The following GTPBP1 variants were observed in gnomAD, a reference collection of about 807,000 sequenced individuals.
GTPBP1 encodes GTP binding protein 1.
A neutral mutation model predicts 62.0 loss-of-function variants in GTPBP1; 23 were observed. That is an observed-to-expected ratio of 0.37 (90% CI 0.27 to 0.53). The LOEUF is 0.53. Ranked by LOEUF, GTPBP1 falls within the 20% of genes least tolerant of loss-of-function variation. GTPBP1 has a pLI of 0.89. For missense variants in GTPBP1, 640 were observed against 917.3 expected, an observed-to-expected ratio of 0.70 and a Z score of 3.90; for synonymous variants, 344 against 364.4, an observed-to-expected ratio of 0.94 and a Z score of 0.64.
downstream of GTPBP1, among the ~76,000 whole-genome samples, chr22:38,741,222 G>A (rs567489841): frequency 3.4e-4 from 51 of 151,814 alleles, no homozygotes; most frequent in Admixed American, 1.5e-3. Context: ...CATGAGTCTC[G>A]TCCATGTCTG....
chr22:38,739,770 G>A, downstream of GTPBP1: 3 of 1,613,672 alleles, frequency 1.9e-6, no homozygotes, highest in South Asian at 3.3e-5. The surrounding 1 kb of genome is among the most constrained non-coding windows in gnomAD (Gnocchi z 6.7). Context: ...TCAGGCTCAG[G>A]GAGGCCGCGG....
In GTPBP1 at chr22:38,726,039, A is replaced by C. The variant is rs1253811842; in HGVS notation, c.1107A>C (p.Thr369=). Reference sequence around the variant, plus strand: ...CGATATTCCAGATCTCCAACGTTACAGGCGAGAACCTAGATCTGCTGAAGA... The same window carrying C: ...CGATATTCCAGATCTCCAACGTTACCGGCGAGAACCTAGATCTGCTGAAGA... ...MCPIFQISNV[T]GENLDLLKMF... is the part of the protein sequence containing the mutation. Residue 369 remains threonine, a synonymous_variant, in exon 7 of 12, where the codon ACA becomes ACC. Coordinates refer to ENST00000216044, the MANE Select transcript of GTPBP1 (RefSeq NM_004286.5). The surrounding 1 kb of genome is among the most constrained non-coding windows in gnomAD (Gnocchi z 4.1). 6.2e-7 allele frequency: 1 copy of C among 1,613,990 alleles called. No individual in the cohort carries two copies. Among genetic ancestry groups the C allele is most frequent in the Non-Finnish European group, 8.5e-7 (1 of 1,179,916 alleles).
chr22:38,715,097 G>T (rs188112799), intron 2 of GTPBP1, among the ~76,000 whole-genome samples: 1 of 152,112 alleles, frequency 6.6e-6, no homozygotes, highest in East Asian at 1.9e-4. Context: ...ATTATCTCTT[G>T]CCTGCATTAT....
chr22:38,727,296 G>C lies in GTPBP1; in HGVS notation c.1485G>C (p.Glu495Asp), dbSNP rs2092731799. ...AAGCCTCCTGGGAGTTTGAGGCCGA[G>C]ATTCTCGTCCTCCACCACCCCACCA... ...NPQASWEFEA[E>D]ILVLHHPTTI... Residue 495 changes from glutamate (E) to aspartate (D), a missense_variant, in exon 9 of 12, where the codon GAG (glutamate) becomes GAC (aspartate). Transcript: ENST00000216044. This position sits in a 1 kb window ranked among gnomAD's most constrained non-coding sequence, Gnocchi z 6.5. 6.2e-7 allele frequency: 1 copy of C among 1,601,036 alleles called. No individual in the cohort carries two copies.
Position 38,730,500 on chromosome 22 carries a change from C to T in GTPBP1, c.1918-112C>T, listed in dbSNP as rs571443535. 29 of 747,212 alleles carry T rather than the reference C, an allele frequency of 3.9e-5. 1 individual carries two copies. Among genetic ancestry groups the T allele is most frequent in the African/African-American group, 1.4e-4 (8 of 58,900 alleles). The allele number at this position is 747,212 out of a possible 1,614,324, so 46.3% of individuals were successfully genotyped here. On this transcript the variant is annotated intron_variant, in intron 11 of 11. Coordinates refer to ENST00000216044, the MANE Select transcript of GTPBP1 (RefSeq NM_004286.5). This position sits in a 1 kb window ranked among gnomAD's most constrained non-coding sequence, Gnocchi z 5.6. ...CCTGGTCAGGCTAGGGTGAGGACCA[C>T]GCAGCCTGCTCACGCATCTTCCGTC...
chr22:38,736,102 C>G, downstream of GTPBP1: 1 of 716,374 alleles, frequency 1.4e-6, no homozygotes, highest in Non-Finnish European at 2.5e-6. Context: ...CGCCTCGAGC[C>G]ACCTGCTGCT....
downstream of GTPBP1, chr22:38,738,257 G>C: frequency 6.2e-7 from 1 of 1,613,678 alleles, no homozygotes; most frequent in Non-Finnish European, 8.5e-7. This position sits in a 1 kb window ranked among gnomAD's most constrained non-coding sequence, Gnocchi z 6.6. Flanking sequence ...GCAGGTCTTC[G>C]TCAAACCCCT....
chr22:38,737,078 C>T (rs949678836), downstream of GTPBP1, among the ~76,000 whole-genome samples: 2 of 152,202 alleles, frequency 1.3e-5, no homozygotes, highest in African/African-American at 4.8e-5. This position sits in a 1 kb window ranked among gnomAD's most constrained non-coding sequence, Gnocchi z 4.1. Context: ...AACTCCTGGG[C>T]TCAAGCAATC....
chr22:38,719,286 C>T lies in GTPBP1; in HGVS notation c.834+2286C>T, dbSNP rs552072034. On this transcript the variant is annotated intron_variant, in intron 4 of 11. Coordinates refer to ENST00000216044, the MANE Select transcript of GTPBP1 (RefSeq NM_004286.5). ...CCTCCCAAAGTGCTGAGATTATAGG[C>T]GTGAGCCACCGTACCCAGCCTGATT... Among the ~76,000 whole-genome samples the T allele has an allele frequency of 8.5e-5, 13 of 152,150 alleles. 1 individual carries two copies. The South Asian group carries it at 2.5e-3, about 29-fold the overall frequency.
At chr22:38,734,278 T>G, downstream of GTPBP1, 1 of 466,126 alleles carries the variant, frequency 2.1e-6, no homozygotes, top group Non-Finnish European at 4.4e-6. Flanking sequence ...GTTTTTCTCC[T>G]AAGCTGCTGG....
At chr22:38,708,283 TA>T (rs2092617927) in intron 1 of GTPBP1, among the ~76,000 whole-genome samples, 1 of 152,256 alleles carries the variant, frequency 6.6e-6, no homozygotes, top group Non-Finnish European at 1.5e-5. Flanking sequence ...ATGACGGTGC[TA>T]ATACTCCTCG....
chr22:38,709,349 T>C (rs2092625129), intron 2 of GTPBP1, among the ~76,000 whole-genome samples: 1 of 152,188 alleles, frequency 6.6e-6, no homozygotes, highest in Non-Finnish European at 1.5e-5. Context: ...ACTTTTCTGC[T>C]TATGTGTCTC....
downstream of GTPBP1, among the ~76,000 whole-genome samples, chr22:38,741,262 C>T (rs141836055): frequency 6.6e-6 from 1 of 152,294 alleles, no homozygotes; most frequent in Non-Finnish European, 1.5e-5. Context: ...CACCCACACT[C>T]AGCACATGCA....
intron 1 of GTPBP1, among the ~76,000 whole-genome samples, chr22:38,708,079 T>C (rs1443061949): frequency 6.6e-6 from 1 of 152,260 alleles, no homozygotes; most frequent in Non-Finnish European, 1.5e-5. Flanking sequence ...CATGTTATTA[T>C]ATTTGCTCTT....
Position 38,728,124 on chromosome 22 carries a change from G to A in GTPBP1, c.1679G>A (p.Arg560Gln). 1.2e-6 allele frequency: 2 copies of A among 1,613,826 alleles called. No homozygotes were observed. The highest frequency in any genetic ancestry group is 1.7e-6 in the Non-Finnish European group (2 of 1,179,796). ...YLHIDQRLVF[R>Q]EGRTKAVGTI... ...CACATAGACCAGCGGCTGGTGTTCC[G>A]GGAAGGCCGCACCAAGGCTGTCGGC... Residue 560 changes from arginine to glutamine, a missense_variant, in exon 10 of 12, where the codon CGG becomes CAG. Transcript: ENST00000216044.
In GTPBP1 at chr22:38,727,198, C is replaced by T. The variant is rs1250875911; in HGVS notation, c.1402-15C>T. ...ATAATTGTCCCTGAGGGCTGGGGCT[C>T]CCTCTTTCTTTCAGATCAAGCGCTC... On this transcript the variant is annotated splice_polypyrimidine_tract_variant and intron_variant, in intron 8 of 11. Transcript: ENST00000216044. The surrounding 1 kb of genome is among the most constrained non-coding windows in gnomAD (Gnocchi z 6.5). The T allele has an allele frequency of 1.3e-6, 2 of 1,544,830 alleles. No individual in the cohort carries two copies.
chr22:38,731,086 C>G lies in GTPBP1; in HGVS notation c.*382C>G, dbSNP rs1183224205. 4 of 169,148 alleles carry G rather than the reference C, an allele frequency of 2.4e-5. No homozygotes were observed. Among genetic ancestry groups the G allele is most frequent in the African/African-American group, 9.8e-5 (4 of 41,024 alleles). The allele number at this position is 169,148 out of a possible 1,614,324, so 10.5% of individuals were successfully genotyped here. A position where few individuals can be genotyped will look rare whatever the true frequency, so the allele number is the denominator to read the frequency against. On this transcript the variant is annotated 3_prime_UTR_variant, in exon 12 of 12. Coordinates refer to ENST00000216044, the MANE Select transcript of GTPBP1 (RefSeq NM_004286.5). ...GCCACCCCCAGGGCCCTGTCAACCT[C>G]TCTTTTCTCCTCCATGGCTGTCTGC...
chr22:38,725,391 C>T (rs2092721840), intron 6 of GTPBP1: 1 of 152,720 alleles, frequency 6.5e-6, no homozygotes, highest in Non-Finnish European at 1.5e-5. Flanking sequence ...AGAGTGTCCA[C>T]CCAGGAAGGA....
Position 38,727,227 on chromosome 22 carries a change from C to T in GTPBP1, c.1416C>T (p.Ser472=), listed in dbSNP as rs1369611484. Residue 472 remains serine, a synonymous_variant, in exon 9 of 12, where the codon TCC becomes TCT. Coordinates refer to ENST00000216044, the MANE Select transcript of GTPBP1 (RefSeq NM_004286.5). The surrounding 1 kb of genome is among the most constrained non-coding windows in gnomAD (Gnocchi z 6.5). ...CTTTCTTTCAGATCAAGCGCTCGTC[C>T]ATCCGGAAGGGCATGGTGATGGTTT... The part of the protein sequence containing the change: ...SFALKKIKRS[S]IRKGMVMVSP... The T allele has an allele frequency of 3.8e-6, 6 of 1,586,010 alleles. No homozygotes were observed. The highest frequency in any genetic ancestry group is 1.1e-5 in the South Asian group (1 of 87,682).
Sources: allele counts gnomAD v4.1 joint callset (sites outside exome capture counted in the v4.1 genomes callset), GRCh38; gene constraint gnomAD v4.1.1; non-coding constraint Gnocchi (gnomAD v3.1); transcripts MANE v1.5; gene names NCBI Gene and HGNC (gene_info 2026-07-23, HGNC 2026-07-21).